NEO1: variants seen among roughly 807,000 people sequenced by gnomAD.
NEO1 encodes the protein neogenin 1, also known as neogenin.
Under a neutral mutation model 159.7 loss-of-function variants are expected in NEO1, and 63 were observed. That is an observed-to-expected ratio of 0.39 (90% CI 0.32 to 0.49). The LOEUF is 0.49. Among genes scored for constraint, NEO1 ranks in the 20% least tolerant of loss-of-function variants. NEO1 has a pLI of 0.85. For missense variants in NEO1, 1,615 were observed against 1,831.0 expected (o/e 0.88, Z 2.15); for synonymous variants, 633 against 662.0 (o/e 0.96, Z 0.67).
intron 7 of NEO1, among the ~76,000 whole-genome samples, chr15:73,206,601 G>GTTGTT (rs974945832): frequency 6.6e-6 from 1 of 151,946 alleles, no homozygotes; most frequent in South Asian, 2.1e-4. Context: ...TGTTGTTGTT[G>GTTGTT]TTGTTTTGTT....
rs1567282403 is a variant in NEO1, at chr15:73,135,935, G to A, written c.923G>A (p.Ser308Asn). 1 of 1,605,108 alleles carries A rather than the reference G, an allele frequency of 6.2e-7. No homozygotes were observed. Among genetic ancestry groups the A allele is most frequent in the African/African-American group, 1.4e-5 (1 of 73,814 alleles). ...VLLAGGSLEISDVTEDDAGTY... is the reference protein window; with the variant it reads ...VLLAGGSLEINDVTEDDAGTY... ...CTGGCAGGTGGTAGCCTGGAGATCA[G>A]TGATGTTACTGAGGATGATGCTGGG... The change falls in exon 5 of 29, where the codon AGT becomes AAT. Residue 308 changes from serine to asparagine, a missense_variant. Physicochemically the swap from Ser to Asn is conservative, Grantham distance 46. Around this residue, in one of 3 missense-constraint regions of NEO1, gnomAD observed 1,018 missense variants for 1,115.4 expected, o/e 0.91. Transcript: ENST00000261908.
At chr15:73,147,686 G>A (rs1386550684) in intron 5 of NEO1, among the ~76,000 whole-genome samples, 1 of 152,146 alleles carries the variant, frequency 6.6e-6, no homozygotes, top group Admixed American at 6.5e-5. Context: ...TAGGTTATCT[G>A]TCTTGATCTC....
intron 1 of NEO1, among the ~76,000 whole-genome samples, chr15:73,083,336 G>A (rs1354765783): frequency 2.0e-5 from 3 of 152,136 alleles, no homozygotes; most frequent in African/African-American, 4.8e-5. Flanking sequence ...ACAAGACTTG[G>A]TGATTGAATG....
At chr15:73,256,531 G>C (rs1024007136) in intron 13 of NEO1, among the ~76,000 whole-genome samples, 2 of 152,038 alleles carry the variant, frequency 1.3e-5, no homozygotes, top group Non-Finnish European at 2.9e-5. Flanking sequence ...CTTGTTTATG[G>C]GTATAAGTTT....
intron 28 of NEO1, among the ~76,000 whole-genome samples, chr15:73,301,973 T>TATC (rs2042636345): frequency 6.6e-6 from 1 of 152,208 alleles, no homozygotes; most frequent in Admixed American, 6.5e-5. Flanking sequence ...TCGGCCCCCA[T>TATC]ATCCACTCTT....
rs148169949 is a variant in NEO1 at position 73,262,174 on chromosome 15, T to C, written c.2398+1709T>C. ...GGGACAACAATTCTAGAAGAAAGTG[T>C]AGGAAAAAATCTTTATGACTTTGGG... On this transcript the variant is annotated intron_variant, in intron 15 of 28. Coordinates refer to ENST00000261908, the MANE Select transcript of NEO1 (RefSeq NM_002499.4). 7.6e-3 allele frequency among the ~76,000 whole-genome samples: 1,160 copies of C among 152,254 alleles called. 16 individuals are homozygous for C. Among genetic ancestry groups the C allele is most frequent in the African/African-American group, 0.027 (1,128 of 41,564 alleles).
chr15:73,288,620 T>C (rs546785295), intron 24 of NEO1, 69 bp downstream of exon 24: 258 of 1,338,648 alleles, frequency 1.9e-4, no homozygotes, highest in Middle Eastern at 3.7e-4. Flanking sequence ...TTTTTTTTTT[T>C]CCCTGAGTTT....
intron 9 of NEO1, among the ~76,000 whole-genome samples, chr15:73,247,771 G>A (rs2039872204): frequency 6.6e-6 from 1 of 152,158 alleles, no homozygotes; most frequent in African/African-American, 2.4e-5. Context: ...CAAAGTGTAG[G>A]CATAGACAGC....
chr15:73,125,476 A>G (rs1431873873), intron 3 of NEO1, among the ~76,000 whole-genome samples: 2 of 152,204 alleles, frequency 1.3e-5, no homozygotes, highest in South Asian at 2.1e-4. Context: ...CCTTGTTACC[A>G]TGGCTACAAG....
At chr15:73,212,171 T>G (rs865784487) in intron 7 of NEO1, among the ~76,000 whole-genome samples, 1 of 152,160 alleles carries the variant, frequency 6.6e-6, no homozygotes, top group Non-Finnish European at 1.5e-5. Flanking sequence ...ATTTATTTAG[T>G]TTCTCCTGAG....
At chr15:73,129,356 GA>G (rs1371740733) in intron 4 of NEO1, among the ~76,000 whole-genome samples, 2 of 151,190 alleles carry the variant, frequency 1.3e-5, no homozygotes, top group African/African-American at 2.4e-5. Context: ...GAAGTTGAAA[GA>G]AAAAAGTGGC....
At chr15:73,180,779 AT>A (rs1450223599) in intron 7 of NEO1, among the ~76,000 whole-genome samples, 1 of 152,202 alleles carries the variant, frequency 6.6e-6, no homozygotes, top group African/African-American at 2.4e-5. Context: ...TTATGAGCTG[AT>A]GAAATTTTTT....
At chr15:73,100,963 T>C (rs1216077438) in intron 1 of NEO1, among the ~76,000 whole-genome samples, 1 of 152,186 alleles carries the variant, frequency 6.6e-6, no homozygotes, top group Non-Finnish European at 1.5e-5. Context: ...ATTCAAGCCG[T>C]TAATGATTCC....
intron 7 of NEO1, among the ~76,000 whole-genome samples, chr15:73,209,702 A>T (rs1463994970): frequency 6.6e-6 from 1 of 152,164 alleles, no homozygotes; most frequent in Non-Finnish European, 1.5e-5. Context: ...CAATTATAAA[A>T]GTAGCTTGGC....
intron 1 of NEO1, among the ~76,000 whole-genome samples, chr15:73,080,731 TC>T (rs1007988361): frequency 2.4e-4 from 37 of 152,172 alleles, no homozygotes; most frequent in Non-Finnish European, 5.3e-4. Flanking sequence ...GCCAGGGATC[TC>T]TTTCTGAGTG....
chr15:73,219,741 G>T (rs2150745659), intron 7 of NEO1, among the ~76,000 whole-genome samples: 1 of 135,104 alleles, frequency 7.4e-6, no homozygotes. Context: ...GACTAGGATT[G>T]CAACCCCTGC....
intron 1 of NEO1, among the ~76,000 whole-genome samples, chr15:73,103,626 C>T (rs1057251578): frequency 6.6e-6 from 1 of 152,116 alleles, no homozygotes; most frequent in African/African-American, 2.4e-5. Flanking sequence ...TATATGTCCT[C>T]CACTATAAGC....
intron 7 of NEO1, among the ~76,000 whole-genome samples, chr15:73,230,007 G>A: frequency 6.6e-6 from 1 of 152,024 alleles, no homozygotes; most frequent in East Asian, 1.9e-4. Context: ...CATGTGTCGT[G>A]TTTCTTTCTT....
At chr15:73,138,765 A>C (rs112593508) in intron 5 of NEO1, among the ~76,000 whole-genome samples, 45,414 of 149,744 alleles carry the variant, frequency 0.3, 8,468 homozygotes, top group Admixed American at 0.44. Context: ...CAAAAAAAAA[A>C]AAAAAACAAA....
Sources: gnomAD v4.1 joint callset for allele counts (sites outside exome capture counted in the v4.1 genomes callset) on GRCh38, gnomAD v4.1.1 for gene constraint, gnomAD v4.1.1 regional missense constraint, MANE v1.5 for transcripts, NCBI Gene and HGNC (gene_info 2026-07-23, HGNC 2026-07-21) for gene names.